SYCP2L: variants seen among roughly 807,000 people sequenced by gnomAD.
The protein encoded by SYCP2L is synaptonemal complex protein 2 like.
In SYCP2L, 98 loss-of-function variants were observed where a neutral mutation model predicts 125.8. The ratio of observed to expected loss-of-function variants is 0.78; its 90% CI spans 0.66 to 0.92. The LOEUF (loss-of-function observed/expected upper bound fraction) is 0.92, where lower values mean the gene tolerates loss of function less well. SYCP2L is among the 40% of genes least tolerant of loss of function. The probability of loss-of-function intolerance (pLI) is 0.00; values close to 1 mark genes in which losing one functional copy is unlikely to be tolerated. For missense variants in SYCP2L, 842 were observed against 936.4 expected (o/e 0.90, Z 1.32); for synonymous variants, 317 against 325.4 (o/e 0.97, Z 0.28).
intron 21 of SYCP2L, among the ~76,000 whole-genome samples, chr6:10,940,102 TC>T (rs1229719696): frequency 1.3e-5 from 2 of 152,146 alleles, no homozygotes; most frequent in African/African-American, 4.8e-5. Flanking sequence ...ACATCACTGA[TC>T]ATTAGAGAAA....
rs114940341 is a variant in SYCP2L at position 10,904,032 on chromosome 6, C to T, written c.641+1069C>T. On this transcript the variant is annotated intron_variant, in intron 8 of 29. Coordinates refer to ENST00000283141, the MANE Select transcript of SYCP2L (RefSeq NM_001040274.3). Reference sequence around the variant, plus strand: ...ACTTCATCACACCTCAGTTTGTTTGCCTGTAAAATGGAGTCAAAGTAATAC... The same window carrying T: ...ACTTCATCACACCTCAGTTTGTTTGTCTGTAAAATGGAGTCAAAGTAATAC... Among the ~76,000 whole-genome samples, 1,362 of 152,168 alleles carry T rather than the reference C, an allele frequency of 9.0e-3. 20 individuals carry two copies. The highest frequency in any genetic ancestry group is 0.031 in the African/African-American group (1,290 of 41,500).
intron 20 of SYCP2L, among the ~76,000 whole-genome samples, chr6:10,934,317 A>G (rs917135511): frequency 3.3e-5 from 5 of 152,258 alleles, no homozygotes; most frequent in African/African-American, 7.2e-5. Flanking sequence ...AAATAATTCA[A>G]AGAGTCAAGG....
intron 21 of SYCP2L, among the ~76,000 whole-genome samples, chr6:10,941,290 A>G (rs926033161): frequency 1.2e-4 from 18 of 152,224 alleles, no homozygotes; most frequent in Admixed American, 8.5e-4. Flanking sequence ...ACAAAAGCCA[A>G]AATTGACAAA....
At chr6:10,890,792 AT>A (rs2113279723) in intron 1 of SYCP2L, among the ~76,000 whole-genome samples, 1 of 152,166 alleles carries the variant, frequency 6.6e-6, no homozygotes, top group African/African-American at 2.4e-5. Context: ...TTTCCCCTAT[AT>A]TTTATTCTAG....
At chr6:10,906,622 A>C (rs1000064583) in intron 9 of SYCP2L, among the ~76,000 whole-genome samples, 2 of 142,072 alleles carry the variant, frequency 1.4e-5, no homozygotes, top group Admixed American at 1.4e-4. Flanking sequence ...TTTTTGATGG[A>C]GTTTTGCCCT....
rs776111710 is a variant in SYCP2L at position 10,894,137 on chromosome 6, A to G, written c.269A>G (p.Gln90Arg). ...QSVSLLLKCI[Q>R]RFLVDGLKED... ...GTGTCACTGTTGCTGAAATGTATTC[A>G]GCGATTCCTCGTAGATGGCCTGAAA... The change falls in exon 4 of 30, where the codon CAG (glutamine) becomes CGG (arginine). Residue 90 changes from glutamine (Q) to arginine (R), a missense_variant. By Grantham distance (43) the Gln-to-Arg change is conservative (BLOSUM62 1). Coordinates refer to ENST00000283141, the MANE Select transcript of SYCP2L (RefSeq NM_001040274.3). 5.0e-6 allele frequency: 8 copies of G among 1,613,766 alleles called. No homozygotes were observed. In the South Asian group the frequency reaches 8.8e-5, roughly 18 times the overall value.
intron 26 of SYCP2L, among the ~76,000 whole-genome samples, chr6:10,959,077 A>G (rs1781553676): frequency 6.6e-6 from 1 of 152,224 alleles, no homozygotes; most frequent in African/African-American, 2.4e-5. Context: ...AAGCCTCCTC[A>G]TGGTCTACCA....
intron 20 of SYCP2L, among the ~76,000 whole-genome samples, chr6:10,932,559 G>T (rs1402000238): frequency 6.6e-6 from 1 of 152,092 alleles, no homozygotes; most frequent in Non-Finnish European, 1.5e-5. Flanking sequence ...GGAGTGTGTT[G>T]CCCTCTGTCC....
chr6:10,898,785 A>C (rs1780328435), intron 5 of SYCP2L, 39 bp from the exon 6 acceptor site: 1 of 1,279,888 alleles, frequency 7.8e-7, no homozygotes, highest in Non-Finnish European at 1.1e-6. Flanking sequence ...ATGCTGTTTT[A>C]AAATAATATG....
intron 18 of SYCP2L, chr6:10,930,156 T>C (rs1322385568): frequency 2.5e-6 from 1 of 392,792 alleles, no homozygotes; most frequent in Non-Finnish European, 4.5e-6. Context: ...AGAAAGGATT[T>C]TGTCATCCTA....
intron 14 of SYCP2L, among the ~76,000 whole-genome samples, chr6:10,916,114 G>A (rs1780689000): frequency 6.6e-6 from 1 of 152,150 alleles, no homozygotes; most frequent in South Asian, 2.1e-4. Flanking sequence ...GTGTAATGGT[G>A]TTCATAGAAG....
In SYCP2L at chr6:10,910,815, A is replaced by G. The variant is rs1393424325; in HGVS notation, c.873-9A>G. On this transcript the variant is annotated splice_polypyrimidine_tract_variant and intron_variant, in intron 11 of 29. Transcript: ENST00000283141. Reference sequence around the variant, plus strand: ...TGTTTTATTTTTTTAATTGTGAGGTATTTTGCAGGGTGTATTCATTTCCGT... The same window carrying G: ...TGTTTTATTTTTTTAATTGTGAGGTGTTTTGCAGGGTGTATTCATTTCCGT... 6.2e-7 allele frequency: 1 copy of G among 1,613,426 alleles called. No homozygotes were observed.
At chr6:10,950,384 C>G (rs1175778688) in intron 23 of SYCP2L, among the ~76,000 whole-genome samples, 1 of 152,050 alleles carries the variant, frequency 6.6e-6, no homozygotes, top group African/African-American at 2.4e-5. Context: ...GTAAAATGTT[C>G]TCTGTTGGTA....
intron 14 of SYCP2L, among the ~76,000 whole-genome samples, chr6:10,914,062 A>T (rs531588538): frequency 2.6e-5 from 4 of 152,196 alleles, no homozygotes; most frequent in African/African-American, 9.6e-5. Flanking sequence ...TGAACTCCTG[A>T]TTTCAGGTGA....
At chr6:10,947,616 G>A (rs909006160) in intron 23 of SYCP2L, among the ~76,000 whole-genome samples, 3 of 152,034 alleles carry the variant, frequency 2.0e-5, no homozygotes, top group South Asian at 2.1e-4. Context: ...TGGCAACCTT[G>A]CTGAACTCTT....
chr6:10,934,962 A>C, intron 20 of SYCP2L, 96 bp from the exon 21 acceptor site: 1 of 1,122,776 alleles, frequency 8.9e-7, no homozygotes, highest in Non-Finnish European at 1.2e-6. Flanking sequence ...TCTAATACTT[A>C]AGCTTCTTAA....
chr6:10,898,185 T>G, intron 5 of SYCP2L, 70 bp downstream of exon 5: 8 of 1,153,400 alleles, frequency 6.9e-6, no homozygotes, highest in Non-Finnish European at 1.0e-5. Flanking sequence ...AAGTTATTTA[T>G]AAAACATGGT....
intron 14 of SYCP2L, among the ~76,000 whole-genome samples, chr6:10,923,504 GCCT>G (rs1780837943): frequency 6.8e-6 from 1 of 146,178 alleles, no homozygotes. Context: ...TCCTGCCTCA[GCCT>G]CCTGAGTAGC....
At chr6:10,962,162 G>T (rs1016049515) in intron 28 of SYCP2L, among the ~76,000 whole-genome samples, 18 of 146,290 alleles carry the variant, frequency 1.2e-4, no homozygotes, top group Non-Finnish European at 2.3e-4. Context: ...ATAATCAAAA[G>T]GAATCCCCAT....
Sources: allele counts gnomAD v4.1 joint callset (sites outside exome capture counted in the v4.1 genomes callset), GRCh38; gene constraint gnomAD v4.1.1; transcripts MANE v1.5; gene names NCBI Gene and HGNC (gene_info 2026-07-23, HGNC 2026-07-21).